Variants in C4orf50 observed in about 807,000 individuals in gnomAD.
C4orf50 encodes uncharacterized protein C4orf50.
Under a neutral mutation model 77.2 loss-of-function variants are expected in C4orf50, and 80 were observed. The ratio of observed to expected loss-of-function variants is 1.04; its 90% CI spans 0.87 to 1.25. The LOEUF is 1.25. Among genes scored for constraint, C4orf50 ranks in the 50% most tolerant of loss-of-function variants. The pLI, the probability that C4orf50 is intolerant of heterozygous loss-of-function variation, is 0.00. For synonymous variants in C4orf50, 532 were observed against 465.3 expected (o/e 1.14, Z -1.84); for missense variants, 1,257 against 1,152.9 (o/e 1.09, Z -1.31).
chr4:5,969,568 T>C (rs1218063761), intron 31 of C4orf50, among the ~76,000 whole-genome samples: 1 of 151,944 alleles, frequency 6.6e-6, no homozygotes, highest in Non-Finnish European at 1.5e-5. Flanking sequence ...CCAAGGCCCC[T>C]GGCTGCTCCC....
intron 7 of C4orf50, among the ~76,000 whole-genome samples, chr4:5,941,809 G>A (rs945090867): frequency 2.6e-5 from 4 of 152,098 alleles, no homozygotes; most frequent in African/African-American, 4.8e-5. Context: ...TTGGCCTGGC[G>A]CCAGGCCAAG....
At chr4:5,997,209 C>T (rs1721632176) in intron 25 of C4orf50, among the ~76,000 whole-genome samples, 1 of 152,196 alleles carries the variant, frequency 6.6e-6, no homozygotes, top group Non-Finnish European at 1.5e-5. Flanking sequence ...GAAATGGTTA[C>T]TGGTGGTATA....
intron 33 of C4orf50, among the ~76,000 whole-genome samples, chr4:5,963,210 C>T (rs529197277): frequency 6.6e-6 from 1 of 152,064 alleles, no homozygotes; most frequent in African/African-American, 2.4e-5. Flanking sequence ...TGTTGGCCAG[C>T]TAGTCTCAAA....
At chr4:5,968,658 T>G (rs993453646) in intron 31 of C4orf50, among the ~76,000 whole-genome samples, 2 of 152,182 alleles carry the variant, frequency 1.3e-5, no homozygotes, top group African/African-American at 4.8e-5. Flanking sequence ...CTGGTCTGAG[T>G]GCTTCCTACT....
intron 25 of C4orf50, among the ~76,000 whole-genome samples, chr4:6,003,835 T>G (rs1721986090): frequency 2.0e-4 from 1 of 5,106 alleles, no homozygotes; most frequent in Non-Finnish European, 4.6e-4. Context: ...ATGGTGATGA[T>G]GTGATAGTGA....
intron 28 of C4orf50, among the ~76,000 whole-genome samples, 177 bp from the exon 7 acceptor site, chr4:5,980,515 A>T (rs1353262658): frequency 6.6e-6 from 1 of 152,038 alleles, no homozygotes; most frequent in Non-Finnish European, 1.5e-5. Flanking sequence ...AATCACTCCC[A>T]ATCTGATTAT....
chr4:6,003,616 TGATGGTGGTGATGAC>T (rs1159825903), intron 25 of C4orf50, among the ~76,000 whole-genome samples: 1 of 139,790 alleles, frequency 7.2e-6, no homozygotes, highest in African/African-American at 3.1e-5. Context: ...GTGATGATGG[TGATGGTGGTGATGAC>T]GGTGATGATG....
At chr4:5,965,180 A>G (rs1322768620) in intron 32 of C4orf50, 35 bp from the exon 11 acceptor site, 1 of 1,600,374 alleles carries the variant, frequency 6.2e-7, no homozygotes, top group Non-Finnish European at 8.5e-7. Context: ...GCCTCCACCC[A>G]GGAACCTAGG....
chr4:5,988,992 T>C, exon 28 of C4orf50: 1 of 1,536,106 alleles, frequency 6.5e-7, no homozygotes, highest in Non-Finnish European at 8.7e-7. Context: ...CATTTTCCTC[T>C]TCAAGCTCCA....
chr4:6,005,481 T>G (rs547686759), intron 25 of C4orf50, among the ~76,000 whole-genome samples: 103 of 152,342 alleles, frequency 6.8e-4, no homozygotes, highest in Non-Finnish European at 1.3e-3. Context: ...CAGCCACTGC[T>G]GCTGCCCTAG....
rs372749984 is a variant in C4orf50, at chr4:5,925,765, G to T, written c.*2475-27577C>A. ...TAAACACCTACACCAGGGTTTGGGA[G>T]CGAGGACCAGGGTTGGGGAAGCACT... On this transcript the variant is annotated intron_variant, in intron 7 of 7. Coordinates refer to the C4orf50 transcript ENST00000324058. 3.3e-5 allele frequency among the ~76,000 whole-genome samples: 5 copies of T among 152,386 alleles called. No homozygotes were observed. In the East Asian group the frequency reaches 9.7e-4, roughly 29 times the overall value.
chr4:5,964,658 C>CT lies in C4orf50; in HGVS notation c.4275+365dup, dbSNP rs1719457648. On this transcript the variant is annotated intron_variant, in intron 33 of 33. Coordinates refer to ENST00000531445, the Ensembl canonical transcript of C4orf50. ...TGGTGGGCGCCTGTAATCCCAGATA[C>CT]TTGGGAGGCTGAGGCAGGAGAATCG... Among the ~76,000 whole-genome samples the CT allele has an allele frequency of 2.0e-5, 3 of 150,318 alleles. No individual in the cohort carries two copies. The South Asian group carries it at 6.3e-4, about 32-fold the overall frequency.
At chr4:5,987,125 A>G (rs908761144) in intron 28 of C4orf50, among the ~76,000 whole-genome samples, 8 of 152,084 alleles carry the variant, frequency 5.3e-5, no homozygotes, top group African/African-American at 1.9e-4. Flanking sequence ...AAAGAATATA[A>G]TAAGGCCTCG....
chr4:5,967,614 C>G, intron 31 of C4orf50, 152 bp from the exon 10 acceptor site: 1 of 667,486 alleles, frequency 1.5e-6, no homozygotes, highest in Non-Finnish European at 2.8e-6. Flanking sequence ...TGCATGAAGA[C>G]CTCCCTCCTC....
chr4:6,013,080 T>C (rs1448151732), intron 23 of C4orf50, among the ~76,000 whole-genome samples: 1 of 152,210 alleles, frequency 6.6e-6, no homozygotes, highest in Non-Finnish European at 1.5e-5. Flanking sequence ...TGACCCTCAG[T>C]AACTTTATCT....
chr4:5,965,175 C>T (rs1301159789), intron 32 of C4orf50, 30 bp from the exon 11 acceptor site: 1 of 1,606,076 alleles, frequency 6.2e-7, no homozygotes, highest in African/African-American at 1.3e-5. Flanking sequence ...GTCAAGCCTC[C>T]ACCCAGGAAC....
At chr4:5,955,134 C>G (rs1718896171), downstream of C4orf50, among the ~76,000 whole-genome samples, 1 of 152,182 alleles carries the variant, frequency 6.6e-6, no homozygotes, top group African/African-American at 2.4e-5. The surrounding 1 kb of genome is among the most constrained non-coding windows in gnomAD (Gnocchi z 5.1). Flanking sequence ...TGTTTTCATT[C>G]TGTTTTTTAA....
chr4:6,008,663 G>T lies in C4orf50; in HGVS notation c.427-131C>A. 2.5e-6 allele frequency: 1 copy of T among 392,330 alleles called. No individual in the cohort carries two copies. The highest frequency in any genetic ancestry group is 4.4e-5 in the Admixed American group (1 of 22,512). The allele number at this position is 392,330 out of a possible 1,614,324, so 24.3% of individuals were successfully genotyped here. A position where few individuals can be genotyped will look rare whatever the true frequency, so the allele number is the denominator to read the frequency against. On this transcript the variant is annotated intron_variant, in intron 24 of 33. Coordinates refer to ENST00000531445, the Ensembl canonical transcript of C4orf50. This position sits in a 1 kb window ranked among gnomAD's most constrained non-coding sequence, Gnocchi z 6.0. ...TTTTTGCATTTTGTGCATTGTAATA[G>T]TGCATCAAAGTATTATCTCTTTGAC...
intron 25 of C4orf50, 26 bp from the exon 4 acceptor site, chr4:5,994,502 A>G (rs1721470591): frequency 2.5e-6 from 1 of 399,108 alleles, no homozygotes; most frequent in Non-Finnish European, 4.4e-6. Context: ...GGAAGTCAGG[A>G]GCCGTCAGTG....
Sources: allele counts gnomAD v4.1 joint callset (sites outside exome capture counted in the v4.1 genomes callset), GRCh38; gene constraint gnomAD v4.1.1; non-coding constraint Gnocchi (gnomAD v3.1); transcripts MANE v1.5; gene names NCBI Gene and HGNC (gene_info 2026-07-23, HGNC 2026-07-21).